Variants in CAMKMT observed in about 807,000 individuals in gnomAD.
CAMKMT encodes CaM KMT.
In CAMKMT, 53 loss-of-function variants were observed where a neutral mutation model predicts 48.0. The observed-to-expected ratio is 1.10, with a 90% CI of 0.89 to 1.39. The LOEUF is 1.39. Among genes scored for constraint, CAMKMT ranks in the 40% most tolerant of loss-of-function variants. The pLI is 0.00. For synonymous variants in CAMKMT, 165 were observed against 152.3 expected (o/e 1.08, Z -0.61); for missense variants, 428 against 402.7 (o/e 1.06, Z -0.54).
intron 1 of CAMKMT, among the ~76,000 whole-genome samples, chr2:44,366,847 G>C (rs1313573106): frequency 6.6e-6 from 1 of 151,958 alleles, no homozygotes; most frequent in Non-Finnish European, 1.5e-5. Flanking sequence ...TTAGTCTTCT[G>C]AGTAGCTGGG....
chr2:44,551,473 G>A (rs1667713889), intron 3 of CAMKMT, among the ~76,000 whole-genome samples: 2 of 152,126 alleles, frequency 1.3e-5, no homozygotes, highest in African/African-American at 2.4e-5. Context: ...AAGAAAGAAA[G>A]ATGTCAAATT....
At chr2:44,464,367 A>G (rs147126540) in intron 3 of CAMKMT, among the ~76,000 whole-genome samples, 1 of 152,354 alleles carries the variant, frequency 6.6e-6, no homozygotes, top group Non-Finnish European at 1.5e-5. Flanking sequence ...GCTGACCAAT[A>G]TATACATTAT....
chr2:44,505,217 A>G (rs972450816), intron 3 of CAMKMT, among the ~76,000 whole-genome samples: 1 of 152,178 alleles, frequency 6.6e-6, no homozygotes, highest in Non-Finnish European at 1.5e-5. Context: ...TATTGAAACT[A>G]GAGCACCCAC....
intron 3 of CAMKMT, among the ~76,000 whole-genome samples, chr2:44,559,710 G>A (rs1019988519): frequency 2.0e-5 from 3 of 152,136 alleles, no homozygotes; most frequent in Non-Finnish European, 4.4e-5. Context: ...TGGAGGAGGG[G>A]AAAGAGTCTA....
intron 3 of CAMKMT, among the ~76,000 whole-genome samples, chr2:44,684,137 G>T (rs1256094945): frequency 2.6e-5 from 4 of 152,164 alleles, no homozygotes; most frequent in Non-Finnish European, 4.4e-5. Context: ...ACAATAACAT[G>T]AACTCTTTAC....
chr2:44,766,155 G>C (rs537605189), intron 9 of CAMKMT, among the ~76,000 whole-genome samples: 9 of 152,282 alleles, frequency 5.9e-5, no homozygotes, highest in African/African-American at 2.2e-4. Flanking sequence ...ATATTGTTCG[G>C]AACACCGGCT....
At chr2:44,434,071 C>T (rs1052734342) in intron 3 of CAMKMT, among the ~76,000 whole-genome samples, 3 of 152,166 alleles carry the variant, frequency 2.0e-5, no homozygotes, top group Non-Finnish European at 2.9e-5. Flanking sequence ...GAATAGTCCT[C>T]CTTTGTGTCC....
chr2:44,471,179 CG>C (rs895354993), intron 3 of CAMKMT, among the ~76,000 whole-genome samples: 3 of 151,716 alleles, frequency 2.0e-5, no homozygotes, highest in Non-Finnish European at 2.9e-5. Context: ...TTAGTAGAGA[CG>C]GGGTTTCACC....
intron 3 of CAMKMT, among the ~76,000 whole-genome samples, chr2:44,682,819 T>A (rs574176637): frequency 1.3e-5 from 2 of 152,274 alleles, no homozygotes; most frequent in Admixed American, 1.3e-4. Flanking sequence ...TGATTCTCCC[T>A]CCCTAGACAC....
chr2:44,364,546 A>G (rs529654906), intron 1 of CAMKMT, among the ~76,000 whole-genome samples: 1 of 152,296 alleles, frequency 6.6e-6, no homozygotes, highest in African/African-American at 2.4e-5. Flanking sequence ...CACCTAGCAC[A>G]GGGCCTGGTT....
intron 3 of CAMKMT, among the ~76,000 whole-genome samples, chr2:44,432,219 C>T (rs1684691312): frequency 6.6e-6 from 1 of 152,068 alleles, no homozygotes. Flanking sequence ...AGAAATGTTC[C>T]AGTGGTCTTT....
rs551362269 is a variant in CAMKMT, at chr2:44,616,551, A to C, written c.377-87732A>C. Among the ~76,000 whole-genome samples, 6 of 151,648 alleles carry C rather than the reference A, an allele frequency of 4.0e-5. No homozygotes were observed. The South Asian group carries it at 1.2e-3, about 32-fold the overall frequency. On this transcript the variant is annotated intron_variant, in intron 3 of 10. Transcript: ENST00000378494. ...CTTTAACAATATATTTTTTTGATTC[A>C]CCAGAAAAGGTGATCATTTCTTGAT...
chr2:44,456,944 G>A (rs1667595394), intron 3 of CAMKMT: 1 of 199,474 alleles, frequency 5.0e-6, no homozygotes, highest in South Asian at 1.3e-4. Flanking sequence ...GTGAAGTACA[G>A]TATTCATAAG....
At chr2:44,380,204 T>C (rs1680099213) in intron 2 of CAMKMT, among the ~76,000 whole-genome samples, 1 of 152,154 alleles carries the variant, frequency 6.6e-6, no homozygotes, top group Non-Finnish European at 1.5e-5. Context: ...AAACTCAAAG[T>C]TCCTCAGTTC....
intron 3 of CAMKMT, among the ~76,000 whole-genome samples, chr2:44,660,350 C>A (rs1674613741): frequency 6.6e-6 from 1 of 152,220 alleles, no homozygotes; most frequent in East Asian, 1.9e-4. Flanking sequence ...CCTTATAGAT[C>A]TCCTGGAAGT....
intron 3 of CAMKMT, among the ~76,000 whole-genome samples, chr2:44,570,363 C>G (rs774955765): frequency 7.2e-5 from 11 of 152,136 alleles, no homozygotes; most frequent in Non-Finnish European, 1.5e-4. Flanking sequence ...ATGAATAAAT[C>G]TACTGTGCAA....
intron 3 of CAMKMT, among the ~76,000 whole-genome samples, chr2:44,576,641 G>T (rs1669237492): frequency 6.6e-6 from 1 of 152,190 alleles, no homozygotes; most frequent in Non-Finnish European, 1.5e-5. Flanking sequence ...ATAGCATTCA[G>T]CAACCACAGG....
chr2:44,498,246 T>C (rs544203507), intron 3 of CAMKMT, among the ~76,000 whole-genome samples: 8 of 152,240 alleles, frequency 5.3e-5, no homozygotes, highest in African/African-American at 1.4e-4. Flanking sequence ...TGTTGTGGAG[T>C]TGGACAGGTT....
chr2:44,763,154 A>G (rs1201434571), intron 9 of CAMKMT, among the ~76,000 whole-genome samples: 1 of 152,140 alleles, frequency 6.6e-6, no homozygotes, highest in Non-Finnish European at 1.5e-5. Flanking sequence ...TGAATGGATG[A>G]TGGGCTCTTT....
Sources: gnomAD v4.1 joint callset for allele counts (sites outside exome capture counted in the v4.1 genomes callset) on GRCh38, gnomAD v4.1.1 for gene constraint, MANE v1.5 for transcripts, NCBI Gene and HGNC (gene_info 2026-07-23, HGNC 2026-07-21) for gene names.